RORB: variants seen among roughly 807,000 people sequenced by gnomAD.
The protein encoded by RORB is nuclear receptor ROR-beta.
A neutral mutation model predicts 59.1 loss-of-function variants in RORB; 6 were observed. The ratio of observed to expected loss-of-function variants is 0.10; its 90% confidence interval spans 0.06 to 0.20. The LOEUF (loss-of-function observed/expected upper bound fraction) is 0.20, where lower values mean the gene tolerates loss of function less well. Ranked by LOEUF, RORB falls within the 10% of genes least tolerant of loss-of-function variation. The probability of loss-of-function intolerance (pLI) is 1.00; values close to 1 mark genes in which losing one functional copy is unlikely to be tolerated. For synonymous variants in RORB, 215 were observed against 204.5 expected, an observed-to-expected ratio of 1.05 and a Z score of -0.44; for missense variants, 320 against 560.5, an observed-to-expected ratio of 0.57 and a Z score of 4.33.
intron 1 of RORB, among the ~76,000 whole-genome samples, chr9:74,515,602 C>T (rs1825997771): frequency 6.6e-6 from 1 of 151,836 alleles, no homozygotes; most frequent in African/African-American, 2.4e-5. Context: ...CTTTCCTTTC[C>T]CTCCCATGAA....
intron 1 of RORB, among the ~76,000 whole-genome samples, chr9:74,501,965 A>G (rs886394183): frequency 3.3e-5 from 5 of 152,208 alleles, no homozygotes; most frequent in African/African-American, 1.2e-4. Context: ...CATCAACCAC[A>G]ATATAGCTTT....
chr9:74,635,112 C>T (rs1014684126), intron 3 of RORB, among the ~76,000 whole-genome samples: 3 of 152,072 alleles, frequency 2.0e-5, no homozygotes, highest in African/African-American at 7.2e-5. Flanking sequence ...GAGATAATAC[C>T]GGAAAGTCCT....
At chr9:74,630,413 CTG>C in intron 2 of RORB, 46 bp downstream of exon 2, 5 of 1,424,156 alleles carry the variant, frequency 3.5e-6, no homozygotes, top group Non-Finnish European at 4.8e-6. Context: ...CCTCAGGCAT[CTG>C]TGTACCTCAC....
intron 1 of RORB, among the ~76,000 whole-genome samples, chr9:74,625,124 T>C (rs912909960): frequency 1.6e-4 from 24 of 152,208 alleles, no homozygotes; most frequent in African/African-American, 5.5e-4. Context: ...CTGGTGACTC[T>C]TTAAAATGTT....
chr9:74,570,832 A>G (rs1822540057), intron 1 of RORB, among the ~76,000 whole-genome samples: 1 of 152,112 alleles, frequency 6.6e-6, no homozygotes, highest in South Asian at 2.1e-4. Flanking sequence ...TATCATCAGA[A>G]CATATGTGAA....
chr9:74,680,541 C>A (rs917516087), intron 9 of RORB, among the ~76,000 whole-genome samples: 1 of 152,164 alleles, frequency 6.6e-6, no homozygotes, highest in African/African-American at 2.4e-5. Flanking sequence ...AAAGTACAGG[C>A]ACTGCCACAC....
At chr9:74,577,214 C>T (rs1587367011) in intron 1 of RORB, among the ~76,000 whole-genome samples, 1 of 152,050 alleles carries the variant, frequency 6.6e-6, no homozygotes, top group Non-Finnish European at 1.5e-5. Context: ...TCTTCTTGTA[C>T]AATCAGTTCT....
chr9:74,677,027 G>A (rs1824455610), intron 9 of RORB, among the ~76,000 whole-genome samples: 1 of 152,186 alleles, frequency 6.6e-6, no homozygotes, highest in Non-Finnish European at 1.5e-5. Context: ...CCACAGAGGA[G>A]ACAGATCCTC....
rs1183538260 is a variant in RORB at position 74,660,486 on chromosome 9, G to C, written c.638-131G>C. The C allele has an allele frequency of 7.4e-6, 5 of 671,778 alleles. No homozygotes were observed. The African/African-American group carries it at 9.2e-5, about 12-fold the overall frequency. 41.6% of individuals were successfully genotyped at this position (671,778 alleles called of 1,614,324 possible). A position where few individuals can be genotyped will look rare whatever the true frequency, so the allele number is the denominator to read the frequency against. On this transcript the variant is annotated intron_variant, in intron 4 of 9. Transcript: ENST00000376896. ...GAGTTTGTCTGAAGATTTTAAGATA[G>C]ATAGCAATGTTAAAGACACTTTAAT...
chr9:74,675,905 A>C (rs1040621457), intron 9 of RORB, among the ~76,000 whole-genome samples: 2 of 152,198 alleles, frequency 1.3e-5, no homozygotes, highest in African/African-American at 2.4e-5. Flanking sequence ...AGAGAGGGTG[A>C]GAGATAGGGC....
chr9:74,639,109 C>T (rs1443937474), intron 3 of RORB, among the ~76,000 whole-genome samples: 1 of 152,196 alleles, frequency 6.6e-6, no homozygotes, highest in East Asian at 1.9e-4. Context: ...CTGTGTCCAT[C>T]AGCTGCAGGT....
chr9:74,646,733 T>C (rs1823906653), intron 4 of RORB, among the ~76,000 whole-genome samples: 1 of 152,178 alleles, frequency 6.6e-6, no homozygotes, highest in South Asian at 2.1e-4. Flanking sequence ...GCCAGGCATT[T>C]TTCTTCAAAT....
rs192216217 is a variant in RORB, at chr9:74,633,356, G to A, written c.94-1275G>A. ...GAGGAAACACAGAAGCTGTTTGAGGGAAGTCAGGGGATCTATTCCAGGCTT... is the reference window on the plus strand; with the variant it reads ...GAGGAAACACAGAAGCTGTTTGAGGAAAGTCAGGGGATCTATTCCAGGCTT... On this transcript the variant is annotated intron_variant, in intron 2 of 9. Transcript: ENST00000376896. 1.3e-3 allele frequency among the ~76,000 whole-genome samples: 197 copies of A among 152,262 alleles called. 1 individual carries two copies. The highest frequency in any genetic ancestry group is 2.4e-3 in the Non-Finnish European group (165 of 68,028).
Position 74,686,953 on chromosome 9 carries a change from T to G in RORB, c.*1335T>G, listed in dbSNP as rs1377399300. On this transcript the variant is annotated 3_prime_UTR_variant, in exon 10 of 10. Coordinates refer to ENST00000376896, the MANE Select transcript of RORB (RefSeq NM_006914.4). ...AAACTAATTCCTGTGAAGTTTACAGTTACATCATCCATTTACCCTAGAATT... is the reference window on the plus strand; with the variant it reads ...AAACTAATTCCTGTGAAGTTTACAGGTACATCATCCATTTACCCTAGAATT... 2 of 152,212 alleles carry G rather than the reference T, an allele frequency of 1.3e-5. No homozygotes were observed. The highest frequency in any genetic ancestry group is 2.9e-5 in the Non-Finnish European group (2 of 68,026). 9.4% of individuals were successfully genotyped at this position (152,212 alleles called of 1,614,324 possible). A position where few individuals can be genotyped will look rare whatever the true frequency, so the allele number is the denominator to read the frequency against.
At chr9:74,532,695 T>C (rs1587345873) in intron 1 of RORB, among the ~76,000 whole-genome samples, 2 of 150,266 alleles carry the variant, frequency 1.3e-5, no homozygotes, top group South Asian at 4.2e-4. Flanking sequence ...ATATAACTTA[T>C]ACATATATGT....
intron 1 of RORB, among the ~76,000 whole-genome samples, chr9:74,524,150 C>T (rs1316259502): frequency 1.3e-5 from 2 of 151,380 alleles, no homozygotes; most frequent in Non-Finnish European, 2.9e-5. Context: ...TGGGATATGC[C>T]AGGGTGGGGT....
intron 1 of RORB, among the ~76,000 whole-genome samples, chr9:74,579,629 T>C (rs1822690830): frequency 1.3e-5 from 2 of 152,162 alleles, no homozygotes; most frequent in Non-Finnish European, 2.9e-5. Context: ...ATTGCAAACC[T>C]GAACTTGAGA....
intron 1 of RORB, among the ~76,000 whole-genome samples, chr9:74,565,992 T>C (rs1270250285): frequency 6.6e-6 from 1 of 152,216 alleles, no homozygotes; most frequent in Non-Finnish European, 1.5e-5. Context: ...AAATACTTCA[T>C]ACATTTCAGT....
At chr9:74,656,515 C>T (rs1587409150) in intron 4 of RORB, among the ~76,000 whole-genome samples, 1 of 152,164 alleles carries the variant, frequency 6.6e-6, no homozygotes, top group Admixed American at 6.5e-5. Flanking sequence ...GTGGGCAGAT[C>T]GCCTGAGGTC....
Sources: gnomAD v4.1 joint callset for allele counts (sites outside exome capture counted in the v4.1 genomes callset) on GRCh38, gnomAD v4.1.1 for gene constraint, MANE v1.5 for transcripts, NCBI Gene and HGNC (gene_info 2026-07-23, HGNC 2026-07-21) for gene names.